The following HELZ variants were observed in gnomAD, a reference collection of about 807,000 sequenced individuals.
HELZ encodes the protein ATP-dependent RNA helicase with zinc finger domain.
HELZ carries 23 observed loss-of-function variants against 218.2 expected under a neutral mutation model. That is an observed-to-expected ratio of 0.11 (90% confidence interval 0.08 to 0.15). HELZ has a LOEUF of 0.15. Ranked by LOEUF, HELZ falls within the 10% of genes least tolerant of loss-of-function variation. The pLI, the probability that HELZ is intolerant of heterozygous loss-of-function variation, is 1.00. For missense variants in HELZ, 1,813 were observed against 2,353.7 expected, an observed-to-expected ratio of 0.77 and a Z score of 4.75; for synonymous variants, 814 against 829.4, an observed-to-expected ratio of 0.98 and a Z score of 0.32.
At chr17:67,096,563 T>G (rs1399170769) in intron 31 of HELZ, among the ~76,000 whole-genome samples, 1 of 152,252 alleles carries the variant, frequency 6.6e-6, no homozygotes, top group Non-Finnish European at 1.5e-5. Flanking sequence ...ATATTAGCAC[T>G]TGCTGTTTCA....
intron 13 of HELZ, among the ~76,000 whole-genome samples, chr17:67,175,988 G>A (rs557489525): frequency 1.3e-4 from 20 of 152,054 alleles, no homozygotes; most frequent in Non-Finnish European, 2.6e-4. Flanking sequence ...TACCACTGCC[G>A]TACCACAATC....
rs1409558991 is a variant in HELZ at position 67,071,483 on chromosome 17, T to A, written c.*6769A>T. 2 of 152,220 alleles carry A rather than the reference T, an allele frequency of 1.3e-5. No individual in the cohort carries two copies. Among genetic ancestry groups the A allele is most frequent in the Non-Finnish European group, 2.9e-5 (2 of 68,030 alleles). The allele number at this position is 152,220 out of a possible 1,614,324, so 9.4% of individuals were successfully genotyped here. On this transcript the variant is annotated 3_prime_UTR_variant, in exon 33 of 33. Coordinates refer to ENST00000358691, the MANE Select transcript of HELZ (RefSeq NM_014877.4). Reference sequence around the variant, plus strand: ...AGCAAGCCTTTTCAGTAGGAAGGACTGTGTCTTAAGAAAACTCCAAAGCTG... The same window carrying A: ...AGCAAGCCTTTTCAGTAGGAAGGACAGTGTCTTAAGAAAACTCCAAAGCTG...
chr17:67,174,513 C>T (rs562287569), intron 13 of HELZ, among the ~76,000 whole-genome samples: 3 of 152,130 alleles, frequency 2.0e-5, no homozygotes, highest in Non-Finnish European at 4.4e-5. Context: ...AAATATTCTG[C>T]TTTGGCCAGG....
rs2037175927 is a variant in HELZ at position 67,108,480 on chromosome 17, C to T, written c.4724+12G>A. 1 of 1,605,338 alleles carries T rather than the reference C, an allele frequency of 6.2e-7. No homozygotes were observed. The highest frequency in any genetic ancestry group is 1.3e-5 in the African/African-American group (1 of 74,726). ...TCGCATTCCAGGGGCTATTTTCAGT[C>T]CGCTGGAATACCTTGAGTATGTGGT... is the stretch of plus-strand genomic sequence containing the variant. On this transcript the variant is annotated intron_variant, in intron 30 of 32. Transcript: ENST00000358691. The surrounding 1 kb of genome is among the most constrained non-coding windows in gnomAD (Gnocchi z 4.1).
intron 12 of HELZ, among the ~76,000 whole-genome samples, chr17:67,185,805 A>G (rs960796272): frequency 1.3e-5 from 2 of 152,236 alleles, no homozygotes; most frequent in African/African-American, 4.8e-5. Context: ...TCTTAAAGGA[A>G]AAAAGGCAAA....
At chr17:67,224,500 C>G (rs1367254557) in intron 3 of HELZ, 1 of 287,288 alleles carries the variant, frequency 3.5e-6, no homozygotes, top group Non-Finnish European at 6.7e-6. Flanking sequence ...CCAAGACAGT[C>G]TTAATTTAGA....
At chr17:67,181,965 T>C (rs2039624183) in intron 12 of HELZ, among the ~76,000 whole-genome samples, 1 of 150,740 alleles carries the variant, frequency 6.6e-6, no homozygotes, top group Non-Finnish European at 1.5e-5. Context: ...ACCTCATAAA[T>C]AGCAGAAGGA....
At chr17:67,187,368 A>G (rs2039783948) in intron 12 of HELZ, among the ~76,000 whole-genome samples, 1 of 152,280 alleles carries the variant, frequency 6.6e-6, no homozygotes, top group Non-Finnish European at 1.5e-5. Context: ...TTTGGGCACC[A>G]TCGTTGTTTC....
At position 67,234,379 on chromosome 17, in the gene HELZ, TCAC is replaced by T. The variant is rs1353418832; in HGVS notation, c.-19+5051_-19+5053del. 2.7e-5 allele frequency among the ~76,000 whole-genome samples: 4 copies of T among 149,944 alleles called. No individual in the cohort carries two copies. The East Asian group carries it at 7.8e-4, about 29-fold the overall frequency. On this transcript the variant is annotated intron_variant, in intron 3 of 32. Coordinates refer to ENST00000358691, the MANE Select transcript of HELZ (RefSeq NM_014877.4). ...TTCCCACCCTACCCCATCTAATTAG[TCAC>T]CACATCTCTCCATTCAACCTCCAAG...
chr17:67,130,086 A>G (rs1416843356), intron 23 of HELZ, among the ~76,000 whole-genome samples: 1 of 152,160 alleles, frequency 6.6e-6, no homozygotes, highest in Non-Finnish European at 1.5e-5. Context: ...TTTAATTCCA[A>G]ACCGTGCTTC....
intron 13 of HELZ, among the ~76,000 whole-genome samples, chr17:67,175,928 TA>T (rs757732156): frequency 6.6e-6 from 1 of 152,110 alleles, no homozygotes; most frequent in Non-Finnish European, 1.5e-5. Flanking sequence ...CTTTAAAGAT[TA>T]AAAAAACAGA....
chr17:67,221,232 T>C (rs577916555), intron 3 of HELZ, among the ~76,000 whole-genome samples: 1 of 152,226 alleles, frequency 6.6e-6, no homozygotes, highest in Non-Finnish European at 1.5e-5. Flanking sequence ...TCATTATCCC[T>C]AGTCCTCACC....
chr17:67,199,991 T>C (rs1305409570), intron 7 of HELZ, among the ~76,000 whole-genome samples: 1 of 152,206 alleles, frequency 6.6e-6, no homozygotes, highest in Non-Finnish European at 1.5e-5. Context: ...TACCTCTCTG[T>C]GAATTACACT....
intron 12 of HELZ, among the ~76,000 whole-genome samples, chr17:67,185,361 A>G (rs933551100): frequency 6.6e-6 from 1 of 152,240 alleles, no homozygotes; most frequent in Non-Finnish European, 1.5e-5. Context: ...CAAATATTAC[A>G]CTACTTATAT....
chr17:67,080,776 A>T (rs926364096), intron 32 of HELZ, among the ~76,000 whole-genome samples: 7 of 152,284 alleles, frequency 4.6e-5, no homozygotes, highest in African/African-American at 1.7e-4. Flanking sequence ...GTTCTGGGAG[A>T]GCCAGGAGGG....
chr17:67,138,251 A>C, intron 21 of HELZ, 137 bp from the exon 22 acceptor site: 13 of 558,260 alleles, frequency 2.3e-5, no homozygotes, highest in Non-Finnish European at 2.9e-5. Context: ...CTACCCCTAA[A>C]TGGGAGTAAT....
At chr17:67,226,786 A>G (rs908598963) in intron 3 of HELZ, among the ~76,000 whole-genome samples, 3 of 152,242 alleles carry the variant, frequency 2.0e-5, no homozygotes, top group African/African-American at 4.8e-5. Flanking sequence ...TCTTTGTGAT[A>G]TAAAACTACT....
rs983086040 is a variant in HELZ at position 67,225,957 on chromosome 17, G to A, written c.-18-7135C>T. On this transcript the variant is annotated intron_variant, in intron 3 of 32. Coordinates refer to ENST00000358691, the MANE Select transcript of HELZ (RefSeq NM_014877.4). Reference sequence around the variant, plus strand: ...AATCACTTATTTGAAAAAGGATTCAGATCTGAAATATAAAGAACTCCCTGA... The same window carrying A: ...AATCACTTATTTGAAAAAGGATTCAAATCTGAAATATAAAGAACTCCCTGA... Among the ~76,000 whole-genome samples the A allele has an allele frequency of 0.018, 18 of 976 alleles. No homozygotes were observed. In the Non-Finnish European group the frequency reaches 0.19, roughly 10 times the overall value. 0.6% of individuals were successfully genotyped at this position (976 alleles called of 152,430 possible).
intron 29 of HELZ, 46 bp downstream of exon 29, chr17:67,109,070 G>A: frequency 7.0e-7 from 1 of 1,421,732 alleles, no homozygotes; most frequent in Non-Finnish European, 9.7e-7. Flanking sequence ...TCCAAGTCAT[G>A]TTAAGTAATC....
Sources: gnomAD v4.1 joint callset for allele counts (sites outside exome capture counted in the v4.1 genomes callset) on GRCh38, gnomAD v4.1.1 for gene constraint, Gnocchi (gnomAD v3.1) non-coding constraint, MANE v1.5 for transcripts, NCBI Gene and HGNC (gene_info 2026-07-23, HGNC 2026-07-21) for gene names.